The following AGBL1 variants were observed in gnomAD, a reference collection of about 807,000 sequenced individuals.
AGBL1 encodes the protein cytosolic carboxypeptidase 4.
In AGBL1, 130 loss-of-function variants were observed where a neutral mutation model predicts 118.9. That is an observed-to-expected ratio of 1.09 (90% CI 0.95 to 1.26). AGBL1 has a LOEUF of 1.26. Ranked by LOEUF, AGBL1 falls within the 50% of genes most tolerant of loss-of-function variation. The pLI, the probability that AGBL1 is intolerant of heterozygous loss-of-function variation, is 0.00. For synonymous variants in AGBL1, 555 were observed against 478.9 expected, an observed-to-expected ratio of 1.16 and a Z score of -2.08; for missense variants, 1,584 against 1,298.1, an observed-to-expected ratio of 1.22 and a Z score of -3.38.
chr15:86,362,002 G>A (rs1042512478), intron 17 of AGBL1, among the ~76,000 whole-genome samples: 1 of 152,072 alleles, frequency 6.6e-6, no homozygotes, highest in Non-Finnish European at 1.5e-5. Flanking sequence ...CTGTTTTGTA[G>A]TTTCTTTCTT....
chr15:86,886,759 G>C (rs141976404), intron 22 of AGBL1, among the ~76,000 whole-genome samples: 194 of 152,296 alleles, frequency 1.3e-3, no homozygotes, highest in African/African-American at 4.4e-3. Context: ...ATTCCAGCTA[G>C]AGTCAGCTTG....
chr15:86,495,822 G>C (rs1356758559), intron 18 of AGBL1, among the ~76,000 whole-genome samples: 1 of 151,664 alleles, frequency 6.6e-6, no homozygotes, highest in Non-Finnish European at 1.5e-5. Context: ...GTATTATGTA[G>C]ATTTTTTTAT....
At chr15:86,974,409 A>T (rs1202844496) in intron 23 of AGBL1, among the ~76,000 whole-genome samples, 1 of 110,670 alleles carries the variant, frequency 9.0e-6, no homozygotes, top group Non-Finnish European at 1.8e-5. Flanking sequence ...AAACATATTA[A>T]ATATAAACAT....
intron 21 of AGBL1, among the ~76,000 whole-genome samples, chr15:86,645,316 A>G (rs1044595984): frequency 6.6e-6 from 1 of 152,224 alleles, no homozygotes; most frequent in Non-Finnish European, 1.5e-5. Context: ...AAGTGTGGCA[A>G]AATGTGAAAA....
At chr15:86,430,506 A>ATG (rs910858599) in intron 18 of AGBL1, among the ~76,000 whole-genome samples, 27 of 150,948 alleles carry the variant, frequency 1.8e-4, no homozygotes, top group African/African-American at 4.4e-4. Flanking sequence ...AAAAAAAAAA[A>ATG]TGTGTGTGTG....
chr15:86,267,208 T>C, intron 13 of AGBL1, 132 bp downstream of exon 13: 2 of 720,514 alleles, frequency 2.8e-6, no homozygotes, highest in South Asian at 1.7e-5. Flanking sequence ...AATATTTATA[T>C]CATAAAAATT....
At chr15:86,987,324 G>A (rs2081295406) in intron 23 of AGBL1, among the ~76,000 whole-genome samples, 1 of 152,064 alleles carries the variant, frequency 6.6e-6, no homozygotes, top group Admixed American at 6.6e-5. Context: ...TACATAAAAA[G>A]ACAGTTGATT....
intron 21 of AGBL1, among the ~76,000 whole-genome samples, chr15:86,619,729 C>T (rs1365203139): frequency 6.6e-6 from 1 of 152,144 alleles, no homozygotes; most frequent in Non-Finnish European, 1.5e-5. Flanking sequence ...CAGACTGTGA[C>T]AAGCAGTGAA....
intron 17 of AGBL1, among the ~76,000 whole-genome samples, chr15:86,336,678 G>C (rs1475421477): frequency 6.6e-6 from 1 of 152,174 alleles, no homozygotes; most frequent in East Asian, 1.9e-4. Flanking sequence ...ACCAAGATGG[G>C]AATAGCAAGC....
chr15:86,497,641 C>G (rs1190721394), intron 18 of AGBL1, among the ~76,000 whole-genome samples: 2 of 151,862 alleles, frequency 1.3e-5, no homozygotes, highest in Non-Finnish European at 2.9e-5. Context: ...ATTTTCTGAA[C>G]TGGAGTGGGA....
chr15:86,320,572 G>A (rs1254470114), intron 17 of AGBL1, among the ~76,000 whole-genome samples: 1 of 151,594 alleles, frequency 6.6e-6, no homozygotes, highest in Non-Finnish European at 1.5e-5. Context: ...CTTTGCTTCT[G>A]TTATATTCTT....
At chr15:86,154,397 G>A (rs759854587) in intron 3 of AGBL1, 33 bp from the exon 4 acceptor site, 2 of 1,603,572 alleles carry the variant, frequency 1.2e-6, no homozygotes, top group Non-Finnish European at 1.7e-6. Context: ...TCAATGTGAA[G>A]TGCAACTAAG....
In AGBL1 at chr15:87,023,550, A is replaced by G. The variant is rs375382266; in HGVS notation, c.3324-5275A>G. On this transcript the variant is annotated intron_variant, in intron 24 of 24. Coordinates refer to the AGBL1 transcript ENST00000441037. The stretch of plus-strand genomic sequence containing the variant: ...ATAATAGTGGGGGACTTTTTAATAC[A>G]CCACTGACATCACTAGACAGGTCAT... Among the ~76,000 whole-genome samples, 26 of 152,024 alleles carry G rather than the reference A, an allele frequency of 1.7e-4. No individual in the cohort carries two copies. In the East Asian group the frequency reaches 1.9e-3, roughly 11 times the overall value.
chr15:86,338,272 G>A (rs868803805), intron 17 of AGBL1, among the ~76,000 whole-genome samples: 8 of 152,226 alleles, frequency 5.3e-5, no homozygotes, highest in Middle Eastern at 6.8e-3. Flanking sequence ...TTAAATCCCC[G>A]AGACAGGAAT....
intron 18 of AGBL1, among the ~76,000 whole-genome samples, chr15:86,402,165 C>T (rs1000127198): frequency 2.1e-4 from 32 of 151,328 alleles, no homozygotes; most frequent in Non-Finnish European, 3.7e-4. Flanking sequence ...TATTTTACCT[C>T]CTTGGTTAAG....
chr15:86,190,537 A>G (rs2077702807), intron 5 of AGBL1, among the ~76,000 whole-genome samples: 1 of 152,118 alleles, frequency 6.6e-6, no homozygotes, highest in African/African-American at 2.4e-5. Context: ...TGACTTTCTA[A>G]AATGTTGGCA....
At chr15:86,969,224 A>T (rs2081083558) in intron 23 of AGBL1, among the ~76,000 whole-genome samples, 1 of 151,900 alleles carries the variant, frequency 6.6e-6, no homozygotes, top group Admixed American at 6.6e-5. Context: ...TCTGAGAGCA[A>T]ATTCTGCTCC....
chr15:86,681,618 C>G (rs2085958779), intron 22 of AGBL1, among the ~76,000 whole-genome samples: 1 of 152,162 alleles, frequency 6.6e-6, no homozygotes, highest in Non-Finnish European at 1.5e-5. Context: ...TTGGTCTATT[C>G]ATTTTGAATC....
At chr15:86,342,373 A>C (rs2080473941) in intron 17 of AGBL1, among the ~76,000 whole-genome samples, 1 of 152,188 alleles carries the variant, frequency 6.6e-6, no homozygotes, top group African/African-American at 2.4e-5. Flanking sequence ...CTTCTTTCTT[A>C]TCTTTTGGGA....
Sources: gnomAD v4.1 joint callset for allele counts (sites outside exome capture counted in the v4.1 genomes callset) on GRCh38, gnomAD v4.1.1 for gene constraint, MANE v1.5 for transcripts, NCBI Gene and HGNC (gene_info 2026-07-23, HGNC 2026-07-21) for gene names.